CSMD2: variants seen among roughly 807,000 people sequenced by gnomAD.
CSMD2 encodes the protein CUB and sushi domain-containing protein 2.
A neutral mutation model predicts 398.5 loss-of-function variants in CSMD2; 130 were observed. The ratio of observed to expected loss-of-function variants is 0.33; its 90% confidence interval spans 0.28 to 0.38. The LOEUF is 0.38. CSMD2 is among the 10% of genes least tolerant of loss of function. The pLI is 1.00. For synonymous variants in CSMD2, 1,828 were observed against 1,908.5 expected, an observed-to-expected ratio of 0.96 and a Z score of 1.10; for missense variants, 3,829 against 4,764.9, an observed-to-expected ratio of 0.80 and a Z score of 5.78.
intron 5 of CSMD2, among the ~76,000 whole-genome samples, chr1:33,866,677 C>A (rs887112054): frequency 6.6e-6 from 1 of 152,170 alleles, no homozygotes; most frequent in Non-Finnish European, 1.5e-5. Flanking sequence ...GAGAGCTATC[C>A]CCCTCCTGCT....
intron 6 of CSMD2, among the ~76,000 whole-genome samples, chr1:33,834,130 C>A (rs1659953958): frequency 1.1e-5 from 1 of 91,962 alleles, no homozygotes; most frequent in African/African-American, 5.9e-5. Flanking sequence ...TGCCTTTCTT[C>A]ACAGAATTGG....
At chr1:34,087,252 C>T (rs1485844341) in intron 2 of CSMD2, among the ~76,000 whole-genome samples, 6 of 152,014 alleles carry the variant, frequency 3.9e-5, no homozygotes. Context: ...CTGGGAAAGA[C>T]CATCCCTGAC....
chr1:33,537,970 C>T lies in CSMD2; in HGVS notation c.9632-361G>A, dbSNP rs181930714. Among the ~76,000 whole-genome samples the T allele has an allele frequency of 3.8e-3, 577 of 152,332 alleles. 8 individuals carry two copies. Among genetic ancestry groups the T allele is most frequent in the Non-Finnish European group, 4.4e-3 (300 of 68,024 alleles). On this transcript the variant is annotated intron_variant, in intron 60 of 70. Transcript: ENST00000373381. This position sits in a 1 kb window ranked among gnomAD's most constrained non-coding sequence, Gnocchi z 4.6. ...CAGTTGTATGGAAACTTGTGCGGAG[C>T]GGCAAACCCAAGCCTATGTGATCGT...
In CSMD2 at chr1:33,743,194, C is replaced by G. The variant is rs115734138; in HGVS notation, c.2173+86G>C. ...CTGGGAACTGCCCCATCCACACCTCCTCCTCCCTCCATGGGAGCACCTTCG... is the reference window on the plus strand; with the variant it reads ...CTGGGAACTGCCCCATCCACACCTCGTCCTCCCTCCATGGGAGCACCTTCG... On this transcript the variant is annotated intron_variant, in intron 14 of 70. Transcript: ENST00000373381. The G allele has an allele frequency of 5.7e-4, 664 of 1,167,614 alleles. 5 individuals carry two copies. The African/African-American group carries it at 9.1e-3, about 16-fold the overall frequency. The allele number at this position is 1,167,614 out of a possible 1,614,324, so 72.3% of individuals were successfully genotyped here. A position where few individuals can be genotyped will look rare whatever the true frequency, so the allele number is the denominator to read the frequency against.
chr1:34,062,579 A>G (rs1654636239), intron 2 of CSMD2, among the ~76,000 whole-genome samples: 1 of 152,214 alleles, frequency 6.6e-6, no homozygotes, highest in Non-Finnish European at 1.5e-5. Context: ...GGGCAAGACC[A>G]TGAGCAAGAG....
intron 6 of CSMD2, among the ~76,000 whole-genome samples, chr1:33,830,603 C>A (rs1659426090): frequency 6.6e-6 from 1 of 152,178 alleles, no homozygotes; most frequent in South Asian, 2.1e-4. Flanking sequence ...AAGCAGAGCG[C>A]CTCTCCTCCT....
At chr1:33,753,154 T>G (rs1389610472) in intron 13 of CSMD2, among the ~76,000 whole-genome samples, 2 of 152,202 alleles carry the variant, frequency 1.3e-5, no homozygotes, top group African/African-American at 4.8e-5. Flanking sequence ...GCTAGAGAGA[T>G]TAGCATTACT....
At chr1:33,643,827 A>G (rs1571060281) in intron 29 of CSMD2, among the ~76,000 whole-genome samples, 1 of 151,970 alleles carries the variant, frequency 6.6e-6, no homozygotes, top group Non-Finnish European at 1.5e-5. Context: ...ATGGGCTACT[A>G]GACCAGAGGC....
At chr1:33,670,896 G>C (rs1644474674) in intron 25 of CSMD2, among the ~76,000 whole-genome samples, 1 of 152,208 alleles carries the variant, frequency 6.6e-6, no homozygotes, top group Non-Finnish European at 1.5e-5. Context: ...CCTCCTGGGA[G>C]AGGTAACTAC....
At chr1:33,977,917 G>T (rs1049295447) in intron 3 of CSMD2, among the ~76,000 whole-genome samples, 4 of 152,134 alleles carry the variant, frequency 2.6e-5, no homozygotes, top group Non-Finnish European at 5.9e-5. Context: ...CAACAGAAGC[G>T]GGCAGGGGTC....
chr1:33,935,684 C>T, intron 4 of CSMD2, 76 bp downstream of exon 4: 1 of 1,436,442 alleles, frequency 7.0e-7, no homozygotes, highest in African/African-American at 1.4e-5. Flanking sequence ...CCCTTTGAGA[C>T]TGGATGTCAC....
intron 5 of CSMD2, among the ~76,000 whole-genome samples, chr1:33,850,750 AT>A (rs57941409): frequency 0.8 from 120,306 of 150,350 alleles, 48,000 homozygotes; most frequent in South Asian, 0.9. Context: ...ATTACACTCA[AT>A]TTTTTTTTTC....
At chr1:34,150,924 A>C (rs941024591) in intron 1 of CSMD2, among the ~76,000 whole-genome samples, 1 of 152,124 alleles carries the variant, frequency 6.6e-6, no homozygotes, top group Non-Finnish European at 1.5e-5. Flanking sequence ...TGCCTATAAA[A>C]AAGATAAAAA....
At chr1:33,557,375 G>A (rs1658097623) in intron 55 of CSMD2, among the ~76,000 whole-genome samples, 1 of 152,114 alleles carries the variant, frequency 6.6e-6, no homozygotes, top group Non-Finnish European at 1.5e-5. Context: ...CTGTGTTTCT[G>A]GAAGGGCAAG....
chr1:33,622,859 G>A (rs1244720740), intron 36 of CSMD2, among the ~76,000 whole-genome samples: 1 of 152,240 alleles, frequency 6.6e-6, no homozygotes, highest in Non-Finnish European at 1.5e-5. Context: ...GTGACAATGT[G>A]TGTTCACACC....
chr1:33,628,668 C>CA (rs35461345), intron 32 of CSMD2, among the ~76,000 whole-genome samples: 6,531 of 83,564 alleles, frequency 0.078, 276 homozygotes, highest in East Asian at 0.12. Flanking sequence ...GACTCTGTCT[C>CA]AAAAAAAAAA....
rs1035860287 is a variant in CSMD2, at chr1:33,606,378, C to T, written c.6344-908G>A. The stretch of plus-strand genomic sequence containing the variant: ...TCATACGTAATAACAACATCAATAA[C>T]GCGGATCTTGAAGATAACATTTCCT... On this transcript the variant is annotated intron_variant, in intron 41 of 70. Coordinates refer to ENST00000373381, the MANE Select transcript of CSMD2 (RefSeq NM_001281956.2). Among the ~76,000 whole-genome samples, 7 of 152,300 alleles carry T rather than the reference C, an allele frequency of 4.6e-5. 2 individuals carry two copies.
chr1:34,130,594 C>T (rs1339513334), intron 1 of CSMD2, among the ~76,000 whole-genome samples: 3 of 151,958 alleles, frequency 2.0e-5, no homozygotes, highest in Non-Finnish European at 4.4e-5. Context: ...TTTAGGATTT[C>T]TCCAGCTGCT....
At chr1:33,684,919 T>C (rs1223070957) in intron 25 of CSMD2, among the ~76,000 whole-genome samples, 1 of 152,222 alleles carries the variant, frequency 6.6e-6, no homozygotes, top group East Asian at 1.9e-4. Context: ...AAACTGTGGG[T>C]TGGATGATCT....
Sources: gnomAD v4.1 joint callset for allele counts (sites outside exome capture counted in the v4.1 genomes callset) on GRCh38, gnomAD v4.1.1 for gene constraint, Gnocchi (gnomAD v3.1) non-coding constraint, MANE v1.5 for transcripts, NCBI Gene and HGNC (gene_info 2026-07-23, HGNC 2026-07-21) for gene names.